DCUN1D5: variants seen among roughly 807,000 people sequenced by gnomAD.
DCUN1D5 encodes defective in cullin neddylation 1 domain containing 5, also known as DCN1-like protein 5.
A neutral mutation model predicts 38.3 loss-of-function variants in DCUN1D5; 10 were observed. The observed-to-expected ratio is 0.26, with a 90% CI of 0.16 to 0.44. DCUN1D5 has a LOEUF of 0.44. Ranked by LOEUF, DCUN1D5 falls within the 20% of genes least tolerant of loss-of-function variation. The probability of loss-of-function intolerance (pLI) is 1.00; values close to 1 mark genes in which losing one functional copy is unlikely to be tolerated. For synonymous variants in DCUN1D5, 93 were observed against 90.9 expected, an observed-to-expected ratio of 1.02 and a Z score of -0.13; for missense variants, 148 against 275.3, an observed-to-expected ratio of 0.54 and a Z score of 3.27.
chr11:103,072,408 TG>T (rs1862300781), intron 4 of DCUN1D5, among the ~76,000 whole-genome samples: 1 of 145,888 alleles, frequency 6.9e-6, no homozygotes, highest in South Asian at 2.1e-4. Context: ...ATCCCATTAC[TG>T]GGCATATACC....
At chr11:103,089,170 A>C in intron 2 of DCUN1D5, 57 bp downstream of exon 2, 1 of 1,526,988 alleles carries the variant, frequency 6.5e-7, no homozygotes, top group Admixed American at 1.7e-5. Flanking sequence ...TAAATGAATA[A>C]GGCAAATAAA....
At chr11:103,076,998 A>G (rs1862424480) in intron 4 of DCUN1D5, among the ~76,000 whole-genome samples, 1 of 152,178 alleles carries the variant, frequency 6.6e-6, no homozygotes, top group Non-Finnish European at 1.5e-5. Flanking sequence ...GGAGATCAAG[A>G]CCATCCCGGC....
chr11:103,087,294 C>A lies in DCUN1D5; in HGVS notation c.178+1933G>T, dbSNP rs937559688. On this transcript the variant is annotated intron_variant, in intron 2 of 7. Transcript: ENST00000260247. The surrounding 1 kb of genome is among the most constrained non-coding windows in gnomAD (Gnocchi z 4.1). ...CACGCCATTCTCCTGCCCCAGCCTC[C>A]CAAGTAGCTGGGACTACAGGCGCAC... Among the ~76,000 whole-genome samples the A allele has an allele frequency of 6.6e-6, 1 of 151,884 alleles. No individual in the cohort carries two copies. The highest frequency in any genetic ancestry group is 1.9e-4 in the East Asian group (1 of 5,174).
intron 4 of DCUN1D5, among the ~76,000 whole-genome samples, chr11:103,072,766 G>C (rs1393187728): frequency 7.6e-6 from 1 of 132,002 alleles, no homozygotes; most frequent in Non-Finnish European, 1.6e-5. Context: ...GTCGGGGGGT[G>C]GGGGGAGGGG....
At position 103,066,455 on chromosome 11, in the gene DCUN1D5, C is replaced by G; in HGVS notation, c.450+4G>C. 6.3e-7 allele frequency: 1 copy of G among 1,598,006 alleles called. No individual in the cohort carries two copies. The highest frequency in any genetic ancestry group is 8.6e-7 in the Non-Finnish European group (1 of 1,168,332). ...AAACAACAAAACAAGAAAATTGCAC[C>G]TACCCTTGCAAAATCAAAGGCATAT... On this transcript the variant is annotated splice_donor_region_variant and intron_variant, in intron 5 of 7. Coordinates refer to ENST00000260247, the MANE Select transcript of DCUN1D5 (RefSeq NM_032299.4). This position sits in a 1 kb window ranked among gnomAD's most constrained non-coding sequence, Gnocchi z 4.7.
chr11:103,085,299 G>A lies in DCUN1D5; in HGVS notation c.179-1973C>T, dbSNP rs369422738. 7.2e-5 allele frequency among the ~76,000 whole-genome samples: 11 copies of A among 152,276 alleles called. No homozygotes were observed. In the East Asian group the frequency reaches 1.5e-3, roughly 21 times the overall value. On this transcript the variant is annotated intron_variant, in intron 2 of 7. Transcript: ENST00000260247. ...CTAAAACTACAAAAATTAGCCAGAC[G>A]TGGTGGCAGGTGCCTGTAATCCCAG...
Position 103,051,461 on chromosome 11 carries a change from T to G in DCUN1D5, c.*10898A>C, listed in dbSNP as rs544113841. The G allele has an allele frequency of 6.6e-6, 1 of 150,574 alleles. No individual in the cohort carries two copies. The highest frequency in any genetic ancestry group is 1.5e-5 in the Non-Finnish European group (1 of 67,906). 9.3% of individuals were successfully genotyped at this position (150,574 alleles called of 1,614,324 possible). ...GAGTCTCATGGGAGTTCCAAAGTTT[T>G]TCTCCTGATCATGAGATTTGGTGGC... On this transcript the variant is annotated 3_prime_UTR_variant, in exon 8 of 8. Coordinates refer to ENST00000260247, the MANE Select transcript of DCUN1D5 (RefSeq NM_032299.4).
intron 4 of DCUN1D5, chr11:103,079,963 A>G (rs1033241115): frequency 6.6e-6 from 1 of 152,184 alleles, no homozygotes; most frequent in Non-Finnish European, 1.5e-5. Context: ...AAATTCTTTC[A>G]CACAAAAAGG....
Position 103,087,603 on chromosome 11 carries a change from T to C in DCUN1D5, c.178+1624A>G, listed in dbSNP as rs1229918485. ...AGCTCAAGGCTGCAGTGAGCCATGA[T>C]CACAGCACTGCGCTCCAGCGTGGGC... On this transcript the variant is annotated intron_variant, in intron 2 of 7. Coordinates refer to ENST00000260247, the MANE Select transcript of DCUN1D5 (RefSeq NM_032299.4). This position sits in a 1 kb window ranked among gnomAD's most constrained non-coding sequence, Gnocchi z 4.1. 6.6e-6 allele frequency among the ~76,000 whole-genome samples: 1 copy of C among 152,176 alleles called. No individual in the cohort carries two copies. Among genetic ancestry groups the C allele is most frequent in the Non-Finnish European group, 1.5e-5 (1 of 68,040 alleles).
At position 103,078,874 on chromosome 11, in the gene DCUN1D5, G is replaced by A. The variant is rs932764825; in HGVS notation, c.341+3874C>T. 1.3e-5 allele frequency among the ~76,000 whole-genome samples: 2 copies of A among 152,162 alleles called. No individual in the cohort carries two copies. Among genetic ancestry groups the A allele is most frequent in the Non-Finnish European group, 2.9e-5 (2 of 68,032 alleles). On this transcript the variant is annotated intron_variant, in intron 4 of 7. Coordinates refer to ENST00000260247, the MANE Select transcript of DCUN1D5 (RefSeq NM_032299.4). This position sits in a 1 kb window ranked among gnomAD's most constrained non-coding sequence, Gnocchi z 4.6. ...CCTACATTTACCTACCTACTCAGCT[G>A]AAATTAACCTTACTCATCTGTGCTT...
chr11:103,087,782 T>C lies in DCUN1D5; in HGVS notation c.178+1445A>G, dbSNP rs576467562. 4.4e-4 allele frequency among the ~76,000 whole-genome samples: 67 copies of C among 152,326 alleles called. 1 individual carries two copies. Among genetic ancestry groups the C allele is most frequent in the African/African-American group, 1.5e-3 (62 of 41,542 alleles). Reference sequence around the variant, plus strand: ...ATGTTGGCTATTAAAAATGCTAATATAGTAAACAAATGTTTAATTAGAATC... The same window carrying C: ...ATGTTGGCTATTAAAAATGCTAATACAGTAAACAAATGTTTAATTAGAATC... On this transcript the variant is annotated intron_variant, in intron 2 of 7. Coordinates refer to ENST00000260247, the MANE Select transcript of DCUN1D5 (RefSeq NM_032299.4). This position sits in a 1 kb window ranked among gnomAD's most constrained non-coding sequence, Gnocchi z 4.1.
rs1861804591 is a variant in DCUN1D5 at position 103,053,746 on chromosome 11, A to C, written c.*8613T>G. 1 of 152,068 alleles carries C rather than the reference A, an allele frequency of 6.6e-6. No homozygotes were observed. Among genetic ancestry groups the C allele is most frequent in the South Asian group, 2.1e-4 (1 of 4,836 alleles). 9.4% of individuals were successfully genotyped at this position (152,068 alleles called of 1,614,324 possible). On this transcript the variant is annotated 3_prime_UTR_variant, in exon 8 of 8. Coordinates refer to ENST00000260247, the MANE Select transcript of DCUN1D5 (RefSeq NM_032299.4). This position sits in a 1 kb window ranked among gnomAD's most constrained non-coding sequence, Gnocchi z 4.8. ...TATCACATGTACCCCCCAAATAAAT[A>C]CATCTATTATGTATCAATGAAAAAA...
Position 103,063,788 on chromosome 11 carries a change from T to C in DCUN1D5, c.658+487A>G, listed in dbSNP as rs186884975. On this transcript the variant is annotated intron_variant, in intron 7 of 7. Coordinates refer to ENST00000260247, the MANE Select transcript of DCUN1D5 (RefSeq NM_032299.4). This position sits in a 1 kb window ranked among gnomAD's most constrained non-coding sequence, Gnocchi z 4.6. ...TTTAACTTGACGGATTGAAAAATTA[T>C]AACTATTTCACTATCAGTTAGCTCA... Among the ~76,000 whole-genome samples the C allele has an allele frequency of 0.011, 1,621 of 152,294 alleles. 17 individuals carry two copies. Among genetic ancestry groups the C allele is most frequent in the Non-Finnish European group, 0.016 (1,063 of 67,980 alleles).
chr11:103,080,216 T>G (rs918703509), intron 4 of DCUN1D5, among the ~76,000 whole-genome samples: 4 of 152,208 alleles, frequency 2.6e-5, no homozygotes. Flanking sequence ...ATGACTATAT[T>G]AAGATGATTT....
In DCUN1D5 at chr11:103,058,725, G is replaced by T. The variant is rs1437017734; in HGVS notation, c.*3634C>A. Among the ~76,000 whole-genome samples the T allele has an allele frequency of 6.6e-6, 1 of 151,630 alleles. No individual in the cohort carries two copies. The highest frequency in any genetic ancestry group is 3.2e-3 in the Middle Eastern group (1 of 316). On this transcript the variant is annotated 3_prime_UTR_variant, in exon 8 of 8. Coordinates refer to ENST00000260247, the MANE Select transcript of DCUN1D5 (RefSeq NM_032299.4). ...CAGACTAGCCTTTCCTATTGAGGAA[G>T]TTAATGAAATTGTTATTCCTCTTTC...
rs138599634 is a variant in DCUN1D5 at position 103,087,315 on chromosome 11, C to T, written c.178+1912G>A. Among the ~76,000 whole-genome samples the T allele has an allele frequency of 7.0e-3, 1,067 of 151,932 alleles. 9 individuals carry two copies. The highest frequency in any genetic ancestry group is 0.024 in the African/African-American group (1,002 of 41,414). ...CCTCCCAAGTAGCTGGGACTACAGGCGCACACCACCACGCCCGGCTAATTG... is the reference window on the plus strand; with the variant it reads ...CCTCCCAAGTAGCTGGGACTACAGGTGCACACCACCACGCCCGGCTAATTG... On this transcript the variant is annotated intron_variant, in intron 2 of 7. Coordinates refer to ENST00000260247, the MANE Select transcript of DCUN1D5 (RefSeq NM_032299.4). This position sits in a 1 kb window ranked among gnomAD's most constrained non-coding sequence, Gnocchi z 4.1.
rs747141882 is a variant in DCUN1D5, at chr11:103,086,538, C to G, written c.178+2689G>C. ...CTAATCACTCTATCTGAAAGTCCAT[C>G]TAACCCTTCTTTCTTCTCTATTCCT... is the stretch of plus-strand genomic sequence containing the variant. On this transcript the variant is annotated intron_variant, in intron 2 of 7. Transcript: ENST00000260247. The surrounding 1 kb of genome is among the most constrained non-coding windows in gnomAD (Gnocchi z 4.1). Among the ~76,000 whole-genome samples, 2 of 152,138 alleles carry G rather than the reference C, an allele frequency of 1.3e-5. No homozygotes were observed. The highest frequency in any genetic ancestry group is 4.8e-5 in the African/African-American group (2 of 41,434).
rs1248177264 is a variant in DCUN1D5, at chr11:103,051,098, C to T, written c.*11261G>A. Reference sequence around the variant, plus strand: ...TCTTACATCATAAAGACTAAGCTTACCATCACCAATTCATACATTGGAAGT... The same window carrying T: ...TCTTACATCATAAAGACTAAGCTTATCATCACCAATTCATACATTGGAAGT... On this transcript the variant is annotated 3_prime_UTR_variant, in exon 8 of 8. Coordinates refer to ENST00000260247, the MANE Select transcript of DCUN1D5 (RefSeq NM_032299.4). 6.6e-6 allele frequency: 1 copy of T among 152,158 alleles called. No homozygotes were observed. Among genetic ancestry groups the T allele is most frequent in the East Asian group, 1.9e-4 (1 of 5,204 alleles). 9.4% of individuals were successfully genotyped at this position (152,158 alleles called of 1,614,324 possible).
Position 103,052,207 on chromosome 11 carries a change from A to G in DCUN1D5, c.*10152T>C, listed in dbSNP as rs2134583657. On this transcript the variant is annotated 3_prime_UTR_variant, in exon 8 of 8. Coordinates refer to ENST00000260247, the MANE Select transcript of DCUN1D5 (RefSeq NM_032299.4). ...AGGCACCATGCTGAGAGCTGAAGAC[A>G]TGGTTTCTGCCCTCAAGAATCTCAG... is the stretch of plus-strand genomic sequence containing the variant. The G allele has an allele frequency of 6.6e-6, 1 of 152,316 alleles. No homozygotes were observed. Among genetic ancestry groups the G allele is most frequent in the Non-Finnish European group, 1.5e-5 (1 of 68,022 alleles). The allele number at this position is 152,316 out of a possible 1,614,324, so 9.4% of individuals were successfully genotyped here.
Sources: allele counts gnomAD v4.1 joint callset (sites outside exome capture counted in the v4.1 genomes callset), GRCh38; gene constraint gnomAD v4.1.1; non-coding constraint Gnocchi (gnomAD v3.1); transcripts MANE v1.5; gene names NCBI Gene and HGNC (gene_info 2026-07-23, HGNC 2026-07-21).